The following CRIM1 variants were observed in gnomAD, a reference collection of about 807,000 sequenced individuals.
CRIM1 encodes cysteine-rich motor neuron 1 protein.
CRIM1 carries 32 observed loss-of-function variants against 116.4 expected under a neutral mutation model. That is an observed-to-expected ratio of 0.27 (90% CI 0.21 to 0.37). The LOEUF is 0.37. Among genes scored for constraint, CRIM1 ranks in the 10% least tolerant of loss-of-function variants. The probability of loss-of-function intolerance (pLI) is 1.00; values close to 1 mark genes in which losing one functional copy is unlikely to be tolerated. For missense variants in CRIM1, 1,331 were observed against 1,354.8 expected (o/e 0.98, Z 0.28); for synonymous variants, 590 against 509.2 (o/e 1.16, Z -2.13).
chr2:36,421,096 C>T (rs180743173), intron 2 of CRIM1, among the ~76,000 whole-genome samples: 3 of 152,328 alleles, frequency 2.0e-5, no homozygotes, highest in Admixed American at 2.0e-4. Flanking sequence ...CTTGGTCCCG[C>T]ATAACTACTG....
intron 1 of CRIM1, among the ~76,000 whole-genome samples, chr2:36,391,135 T>A (rs1671555938): frequency 7.5e-6 from 1 of 133,998 alleles, no homozygotes; most frequent in Non-Finnish European, 1.6e-5. Context: ...TTTTTTTTTT[T>A]TTTTTTTTTT....
intron 1 of CRIM1, among the ~76,000 whole-genome samples, chr2:36,375,492 T>C (rs1332544056): frequency 6.6e-6 from 1 of 152,186 alleles, no homozygotes; most frequent in African/African-American, 2.4e-5. Flanking sequence ...AGGCTTCAAA[T>C]ATATTTTATG....
rs755372533 is a variant in CRIM1 at position 36,549,041 on chromosome 2, T to G, written c.*340T>G. 1.2e-5 allele frequency: 2 copies of G among 167,770 alleles called. No individual in the cohort carries two copies. Among genetic ancestry groups the G allele is most frequent in the Non-Finnish European group, 2.6e-5 (2 of 78,152 alleles). 10.4% of individuals were successfully genotyped at this position (167,770 alleles called of 1,614,324 possible). ...GGGTGGTGTTGGGAAGAAAAATTGG[T>G]CAGCTTGGCTCGGGGAGAAACCTGG... On this transcript the variant is annotated 3_prime_UTR_variant, in exon 17 of 17. Coordinates refer to ENST00000280527, the MANE Select transcript of CRIM1 (RefSeq NM_016441.3).
At chr2:36,421,377 T>A (rs1192940873) in intron 2 of CRIM1, among the ~76,000 whole-genome samples, 1 of 152,216 alleles carries the variant, frequency 6.6e-6, no homozygotes, top group African/African-American at 2.4e-5. Flanking sequence ...TTACAATTAA[T>A]CTTTATAAAG....
At chr2:36,376,250 T>A (rs1311184360) in intron 1 of CRIM1, among the ~76,000 whole-genome samples, 1 of 152,252 alleles carries the variant, frequency 6.6e-6, no homozygotes, top group Non-Finnish European at 1.5e-5. Context: ...TGTTTTTATT[T>A]ATTGCCAAAA....
chr2:36,365,743 T>G (rs950355056), intron 1 of CRIM1, among the ~76,000 whole-genome samples: 2 of 151,430 alleles, frequency 1.3e-5, no homozygotes, highest in Admixed American at 6.6e-5. Context: ...TGTGTTTTTT[T>G]TTTTTTTTTG....
At chr2:36,495,475 A>AT (rs1024205619) in intron 7 of CRIM1, among the ~76,000 whole-genome samples, 6,236 of 129,828 alleles carry the variant, frequency 0.048, 219 homozygotes, top group Non-Finnish European at 0.078. Flanking sequence ...TTATTTATTT[A>AT]TTTTTTTTTT....
intron 7 of CRIM1, among the ~76,000 whole-genome samples, chr2:36,489,048 A>G (rs376707340): frequency 2.0e-5 from 3 of 152,264 alleles, no homozygotes; most frequent in South Asian, 2.1e-4. Flanking sequence ...CTGGATCCCC[A>G]TTTCCTTACT....
intron 6 of CRIM1, among the ~76,000 whole-genome samples, chr2:36,477,808 C>T (rs1679099363): frequency 6.6e-6 from 1 of 152,234 alleles, no homozygotes. Context: ...GCAACCCACA[C>T]ATTTTACAGA....
At chr2:36,512,484 G>C (rs527883135) in intron 10 of CRIM1, 90 bp downstream of exon 10, 1 of 1,391,430 alleles carries the variant, frequency 7.2e-7, no homozygotes, top group Non-Finnish European at 9.8e-7. Flanking sequence ...AAATGGTTTC[G>C]GTGGTTGCTG....
intron 2 of CRIM1, among the ~76,000 whole-genome samples, chr2:36,413,403 A>G (rs1174875377): frequency 6.6e-6 from 1 of 152,156 alleles, no homozygotes; most frequent in African/African-American, 2.4e-5. Context: ...CATAGTTACA[A>G]CAGTAGGGCT....
chr2:36,385,219 A>G (rs1046925322), intron 1 of CRIM1, among the ~76,000 whole-genome samples: 3 of 152,174 alleles, frequency 2.0e-5, no homozygotes, highest in African/African-American at 4.8e-5. Flanking sequence ...TCTTTCATTT[A>G]TCTTCCACTT....
chr2:36,392,279 A>G (rs1316164957), intron 1 of CRIM1, among the ~76,000 whole-genome samples: 1 of 152,230 alleles, frequency 6.6e-6, no homozygotes, highest in South Asian at 2.1e-4. Context: ...AAAGTAACTT[A>G]TGTAATATCC....
In CRIM1 at chr2:36,362,065, C is replaced by T. The variant is rs138021380; in HGVS notation, c.331+5442C>T. Among the ~76,000 whole-genome samples the T allele has an allele frequency of 4.2e-3, 637 of 152,092 alleles. 2 individuals are homozygous for T. Among genetic ancestry groups the T allele is most frequent in the African/African-American group, 0.015 (620 of 41,478 alleles). On this transcript the variant is annotated intron_variant, in intron 1 of 16. Transcript: ENST00000280527. ...GGGGTGAGGGGGAAACTAGGGAGCC[C>T]GGGGACCTCTCCAACATATTCTTTG...
chr2:36,494,363 AAGAC>A (rs1680438021), intron 7 of CRIM1, among the ~76,000 whole-genome samples: 1 of 152,206 alleles, frequency 6.6e-6, no homozygotes, highest in Admixed American at 6.5e-5. Context: ...TTTTACTGAC[AAGAC>A]ATCTGTTAGG....
rs770508337 is a variant in CRIM1, at chr2:36,476,960, C to A, written c.1063C>A (p.Arg355=). Residue 355 remains arginine (R), a synonymous_variant, in exon 6 of 17, where the codon CGG becomes AGG. Transcript: ENST00000280527. ...DGDMFRMDNC[R]FCRCQGGVAI... ...AGACATGTTTCGAATGGACAACTGT[C>A]GGTTCTGTCGATGCCAAGGGGGCGT... The A allele has an allele frequency of 6.2e-7, 1 of 1,613,916 alleles. No homozygotes were observed. The highest frequency in any genetic ancestry group is 1.1e-5 in the South Asian group (1 of 91,068).
chr2:36,443,260 G>T (rs1474258155), intron 4 of CRIM1, among the ~76,000 whole-genome samples: 2 of 152,158 alleles, frequency 1.3e-5, no homozygotes, highest in Non-Finnish European at 2.9e-5. Context: ...CTGCGGGGAA[G>T]AGCCACTGTC....
chr2:36,400,721 A>G (rs1672344509), intron 2 of CRIM1, among the ~76,000 whole-genome samples: 2 of 152,196 alleles, frequency 1.3e-5, no homozygotes, highest in Admixed American at 6.6e-5. Context: ...GGGAACATCC[A>G]GATGGAAGAA....
intron 5 of CRIM1, among the ~76,000 whole-genome samples, chr2:36,474,826 T>TGACA (rs1042439804): frequency 8.4e-6 from 1 of 119,718 alleles, no homozygotes; most frequent in African/African-American, 3.4e-5. Flanking sequence ...CCAGCCTGGG[T>TGACA]GACAGAGTGA....
Sources: gnomAD v4.1 joint callset for allele counts (sites outside exome capture counted in the v4.1 genomes callset) on GRCh38, gnomAD v4.1.1 for gene constraint, MANE v1.5 for transcripts, NCBI Gene and HGNC (gene_info 2026-07-23, HGNC 2026-07-21) for gene names.